Variants in PCNT observed in about 807,000 individuals in gnomAD.
PCNT encodes pericentrin.
In PCNT, 319 loss-of-function variants were observed where a neutral mutation model predicts 380.4. The ratio of observed to expected loss-of-function variants is 0.84; its 90% confidence interval spans 0.77 to 0.92. The LOEUF is 0.92. Ranked by LOEUF, PCNT falls within the 40% of genes least tolerant of loss-of-function variation. The pLI is 0.00. For synonymous variants in PCNT, 1,845 were observed against 1,735.2 expected, an observed-to-expected ratio of 1.06 and a Z score of -1.57; for missense variants, 4,400 against 4,255.3, an observed-to-expected ratio of 1.03 and a Z score of -0.95.
chr21:46,407,897 C>T (rs866979599), intron 27 of PCNT, among the ~76,000 whole-genome samples: 7 of 152,026 alleles, frequency 4.6e-5, no homozygotes, highest in South Asian at 2.1e-4. Context: ...TATTGGCTTC[C>T]TTCTATTTAC....
intron 7 of PCNT, among the ~76,000 whole-genome samples, 161 bp from the exon 8 acceptor site, chr21:46,349,523 C>T (rs989393817): frequency 6.6e-6 from 1 of 152,144 alleles, no homozygotes; most frequent in Admixed American, 6.6e-5. Context: ...AGGCGATGTC[C>T]CCTGGTGCTA....
chr21:46,417,100 A>G (rs751875461), intron 30 of PCNT, among the ~76,000 whole-genome samples: 1 of 151,900 alleles, frequency 6.6e-6, no homozygotes, highest in Non-Finnish European at 1.5e-5. Flanking sequence ...TCCAACGGGC[A>G]TAGCCCAGAC....
Position 46,366,615 on chromosome 21 carries a change from A to C in PCNT, c.2641A>C (p.Lys881Gln), listed in dbSNP as rs748760945. The C allele has an allele frequency of 1.2e-6, 2 of 1,613,954 alleles. No homozygotes were observed. The highest frequency in any genetic ancestry group is 1.7e-5 in the Admixed American group (1 of 60,008). Residue 881 changes from lysine to glutamine, a missense_variant, in exon 15 of 47, where the codon AAA becomes CAA. Lys to Gln is a moderately conservative substitution (Grantham distance 53). Transcript: ENST00000359568. Reference protein sequence around the residue: ...FLEERKEITEKFSAEQDAFLQ... With the variant: ...FLEERKEITEQFSAEQDAFLQ... ...AGAGGAACGTAAAGAGATCACCGAG[A>C]AATTCAGTGCGGAACAAGATGCCTT...
chr21:46,349,588 G>T, intron 7 of PCNT, 96 bp from the exon 8 acceptor site: 5 of 1,344,856 alleles, frequency 3.7e-6, no homozygotes, highest in Non-Finnish European at 5.3e-6. Flanking sequence ...TGGGGCTCTG[G>T]GTGGCAGCGC....
Position 46,427,643 on chromosome 21 carries a change from G to A in PCNT, c.7342G>A (p.Asp2448Asn), listed in dbSNP as rs748347210. ...TTAGGAAGTGCCCACCGCGTGCCCC[G>A]ATTGGAGAGGGGACCTTCTGCAGGT... ...KTQEVPTACP[D>N]WRGDLLQVVQ... is the part of the protein sequence containing the mutation. Residue 2448 changes from aspartate (D) to asparagine (N), a missense_variant, in exon 34 of 47, where the codon GAT (aspartate) becomes AAT (asparagine). Asp to Asn is a conservative substitution (Grantham distance 23). Coordinates refer to ENST00000359568, the MANE Select transcript of PCNT (RefSeq NM_006031.6). 6.2e-6 allele frequency: 10 copies of A among 1,613,838 alleles called. No individual in the cohort carries two copies. Among genetic ancestry groups the A allele is most frequent in the African/African-American group, 4.0e-5 (3 of 74,936 alleles).
intron 29 of PCNT, among the ~76,000 whole-genome samples, chr21:46,415,677 C>T (rs1602025863): frequency 1.3e-5 from 2 of 152,100 alleles, no homozygotes; most frequent in Non-Finnish European, 2.9e-5. Context: ...GCCACTGCAC[C>T]CGGCCCAATT....
In PCNT at chr21:46,326,525, A is replaced by C. The variant is rs1267783660; in HGVS notation, c.203A>C (p.Asp68Ala). 8 of 1,614,060 alleles carry C rather than the reference A, an allele frequency of 5.0e-6. No homozygotes were observed. Among genetic ancestry groups the C allele is most frequent in the Non-Finnish European group, 6.8e-6 (8 of 1,180,036 alleles). Reference sequence around the variant, plus strand: ...GACAGCGCACTCTGTGGAGGAGGGGACATTTGCAAAAGCACATCATGTGAC... The same window carrying C: ...GACAGCGCACTCTGTGGAGGAGGGGCCATTTGCAAAAGCACATCATGTGAC... ...KEDSALCGGG[D>A]ICKSTSCDDT... Residue 68 changes from aspartate (D) to alanine (A), a missense_variant, in exon 2 of 47, where the codon GAC becomes GCC. Coordinates refer to ENST00000359568, the MANE Select transcript of PCNT (RefSeq NM_006031.6).
Position 46,402,455 on chromosome 21 carries a change from A to G in PCNT, c.5087A>G (p.Glu1696Gly). ...AGCCAGACTGCTGTCAGCCTCAGAGAACTTGAGGAAGAGAACACGAGCTTG... is the reference window on the plus strand; with the variant it reads ...AGCCAGACTGCTGTCAGCCTCAGAGGACTTGAGGAAGAGAACACGAGCTTG... ...QNSQTAVSLR[E>G]LEEENTSLKV... The change falls in exon 27 of 47, where the codon GAA becomes GGA. Residue 1696 changes from glutamate to glycine, a missense_variant. Physicochemically the swap from Glu to Gly is moderately conservative, Grantham distance 98. Transcript: ENST00000359568. The G allele has an allele frequency of 1.2e-6, 2 of 1,614,050 alleles. No individual in the cohort carries two copies. Among genetic ancestry groups the G allele is most frequent in the Non-Finnish European group, 1.7e-6 (2 of 1,179,950 alleles).
chr21:46,347,523 T>A lies in PCNT; in HGVS notation c.1032+11T>A. On this transcript the variant is annotated intron_variant, in intron 6 of 46. Transcript: ENST00000359568. ...GCCCAGATAGTAAAGGTACCCGGGATCGATTCTAAAATGCACGCCTCTGTG... is the reference window on the plus strand; with the variant it reads ...GCCCAGATAGTAAAGGTACCCGGGAACGATTCTAAAATGCACGCCTCTGTG... 9 of 1,613,654 alleles carry A rather than the reference T, an allele frequency of 5.6e-6. No individual in the cohort carries two copies. Among genetic ancestry groups the A allele is most frequent in the Non-Finnish European group, 7.6e-6 (9 of 1,179,594 alleles).
chr21:46,361,020 C>G (rs982234689), intron 13 of PCNT, among the ~76,000 whole-genome samples: 3 of 152,160 alleles, frequency 2.0e-5, no homozygotes, highest in Non-Finnish European at 4.4e-5. Flanking sequence ...TTTTCTAGAA[C>G]TGATTTTAAT....
chr21:46,437,069 C>T lies in PCNT; in HGVS notation c.9087C>T (p.Pro3029=), dbSNP rs376048442. 3 of 1,613,266 alleles carry T rather than the reference C, an allele frequency of 1.9e-6. No homozygotes were observed. Among genetic ancestry groups the T allele is most frequent in the Admixed American group, 3.3e-5 (2 of 60,008 alleles). ...LEELKSDLSR[P]TSSQKKMAAE... is the part of the protein sequence containing the mutation. ...AGCTGAAGTCTGACTTGAGCAGGCC[C>T]ACCTCCTCCCAGGTAAGGGGTGAGC... Residue 3029 remains proline (P), a synonymous_variant, in exon 40 of 47, where the codon CCC becomes CCT. Transcript: ENST00000359568.
rs763163550 is a variant in PCNT at position 46,444,743 on chromosome 21, C to G, written c.9889C>G (p.Gln3297Glu). The G allele has an allele frequency of 2.5e-6, 4 of 1,612,898 alleles. No homozygotes were observed. The highest frequency in any genetic ancestry group is 3.4e-6 in the Non-Finnish European group (4 of 1,179,408). Residue 3297 changes from glutamine to glutamate, a missense_variant, in exon 46 of 47, where the codon CAA becomes GAA. Coordinates refer to ENST00000359568, the MANE Select transcript of PCNT (RefSeq NM_006031.6). ...ATTAGAAAGATCCCTGACTGCTTCT[C>G]AAGATCCAGAACATTCCTTGACAGA... ...SRLERSLTASQDPEHSLTEYI... is the reference protein window; with the variant it reads ...SRLERSLTASEDPEHSLTEYI...
intron 1 of PCNT, 87 bp from the exon 2 acceptor site, chr21:46,326,290 G>A: frequency 7.6e-7 from 1 of 1,309,786 alleles, no homozygotes; most frequent in Non-Finnish European, 1.1e-6. Flanking sequence ...CGGGCCTCAT[G>A]GTCCCCACCA....
At position 46,425,668 on chromosome 21, in the gene PCNT, T is replaced by G. The variant is rs1260367181; in HGVS notation, c.7180-163T>G. On this transcript the variant is annotated intron_variant, in intron 32 of 46. Coordinates refer to ENST00000359568, the MANE Select transcript of PCNT (RefSeq NM_006031.6). The surrounding 1 kb of genome is among the most constrained non-coding windows in gnomAD (Gnocchi z 4.2). ...AGGTGGGCTTGAAAACCTTGTAGCT[T>G]GAGAAGTGGGTGCCGCCTGTACGAA... Among the ~76,000 whole-genome samples the G allele has an allele frequency of 6.6e-6, 1 of 152,154 alleles. No homozygotes were observed. Among genetic ancestry groups the G allele is most frequent in the Non-Finnish European group, 1.5e-5 (1 of 68,024 alleles).
At chr21:46,367,205 G>A (rs555747920) in intron 15 of PCNT, 66 bp downstream of exon 15, 46 of 1,379,318 alleles carry the variant, frequency 3.3e-5, no homozygotes, top group Admixed American at 2.1e-4. Flanking sequence ...TGTTTCCACC[G>A]CGTGTCACAT....
In PCNT at chr21:46,366,881, T is replaced by C. The variant is rs2084948280; in HGVS notation, c.2907T>C (p.Asp969=). ...AGACCAGACATCTGTCCAGCCTTGA[T>C]TCTTTGGAATCCTGTTACCTCTCTG... ...ALETRHLSSL[D]SLESCYLSEF... Residue 969 remains aspartate, a synonymous_variant, in exon 15 of 47, where the codon GAT becomes GAC. Transcript: ENST00000359568. 1 of 1,614,160 alleles carries C rather than the reference T, an allele frequency of 6.2e-7. No homozygotes were observed. The highest frequency in any genetic ancestry group is 8.5e-7 in the Non-Finnish European group (1 of 1,180,042).
intron 29 of PCNT, among the ~76,000 whole-genome samples, chr21:46,414,761 C>A (rs1286584434): frequency 2.9e-5 from 3 of 102,354 alleles, no homozygotes; most frequent in African/African-American, 1.9e-4. Flanking sequence ...ACGCAGCCGC[C>A]CACCCTCCTC....
intron 15 of PCNT, among the ~76,000 whole-genome samples, chr21:46,374,550 G>T (rs79193930): frequency 6.6e-6 from 1 of 152,082 alleles, no homozygotes; most frequent in Non-Finnish European, 1.5e-5. Context: ...GCTTTACACC[G>T]TGAAAAGACA....
chr21:46,423,250 G>T (rs2087332923), intron 32 of PCNT, among the ~76,000 whole-genome samples: 1 of 147,518 alleles, frequency 6.8e-6, no homozygotes, highest in Admixed American at 6.9e-5. Flanking sequence ...TCACCCAGCA[G>T]TGCAGTCACA....
Sources: allele counts gnomAD v4.1 joint callset (sites outside exome capture counted in the v4.1 genomes callset), GRCh38; gene constraint gnomAD v4.1.1; non-coding constraint Gnocchi (gnomAD v3.1); transcripts MANE v1.5; gene names NCBI Gene and HGNC (gene_info 2026-07-23, HGNC 2026-07-21).